CDH18: variants seen among roughly 807,000 people sequenced by gnomAD.
CDH18 encodes the protein cadherin 18.
A neutral mutation model predicts 67.9 loss-of-function variants in CDH18; 31 were observed. The ratio of observed to expected loss-of-function variants is 0.46; its 90% CI spans 0.34 to 0.62. The LOEUF is 0.62. Ranked by LOEUF, CDH18 falls within the 20% of genes least tolerant of loss-of-function variation. The pLI is 0.01. For missense variants in CDH18, 890 were observed against 975.5 expected, an observed-to-expected ratio of 0.91 and a Z score of 1.17; for synonymous variants, 362 against 347.2, an observed-to-expected ratio of 1.04 and a Z score of -0.48.
intron 8 of CDH18, among the ~76,000 whole-genome samples, chr5:19,568,011 C>G (rs1409227650): frequency 6.6e-6 from 1 of 152,122 alleles, no homozygotes; most frequent in Non-Finnish European, 1.5e-5. Flanking sequence ...TCTGAAATAT[C>G]TTTTCAAAAT....
At chr5:19,714,725 G>C (rs1264387027) in intron 5 of CDH18, among the ~76,000 whole-genome samples, 4 of 134,340 alleles carry the variant, frequency 3.0e-5, no homozygotes, top group African/African-American at 1.2e-4. Flanking sequence ...ACATACAGCA[G>C]GTCCTCAAAT....
chr5:20,186,615 C>T (rs115915268), intron 2 of CDH18, among the ~76,000 whole-genome samples: 4,907 of 151,902 alleles, frequency 0.032, 265 homozygotes, highest in African/African-American at 0.11. Context: ...ACATATTACC[C>T]GCTAGAATGA....
Position 20,226,058 on chromosome 5 carries a change from C to A in CDH18, c.-518+29386G>T, listed in dbSNP as rs80171778. Among the ~76,000 whole-genome samples, 878 of 152,074 alleles carry A rather than the reference C, an allele frequency of 5.8e-3. 9 individuals are homozygous for A. Among genetic ancestry groups the A allele is most frequent in the African/African-American group, 0.02 (824 of 41,492 alleles). ...GAGCAAATGGCATAAACTATTCTAA[C>A]GCATATGTTAGACACCTGGTATCAA... On this transcript the variant is annotated intron_variant, in intron 2 of 14. Transcript: ENST00000507958.
intron 5 of CDH18, among the ~76,000 whole-genome samples, chr5:19,638,942 AC>A (rs1204961758): frequency 1.1e-5 from 1 of 94,018 alleles, no homozygotes; most frequent in Non-Finnish European, 2.2e-5. Flanking sequence ...CTTTCATCCC[AC>A]CCCTCCCAGA....
chr5:19,542,037 G>A (rs1031097145), intron 9 of CDH18, among the ~76,000 whole-genome samples: 1 of 152,102 alleles, frequency 6.6e-6, no homozygotes, highest in Non-Finnish European at 1.5e-5. Flanking sequence ...GGATTCTTTA[G>A]AGAACCCCTT....
At chr5:19,813,470 C>T (rs1335332240) in intron 3 of CDH18, among the ~76,000 whole-genome samples, 1 of 151,456 alleles carries the variant, frequency 6.6e-6, no homozygotes, top group Non-Finnish European at 1.5e-5. Context: ...GCATTTTTAC[C>T]AAGAGAATCT....
chr5:20,162,876 T>A (rs1174110886), intron 2 of CDH18, among the ~76,000 whole-genome samples: 3 of 151,882 alleles, frequency 2.0e-5, no homozygotes, highest in African/African-American at 7.3e-5. Flanking sequence ...TTGGCCAGCA[T>A]GACGAAATCC....
intron 1 of CDH18, among the ~76,000 whole-genome samples, chr5:20,572,192 T>C (rs942870640): frequency 6.6e-6 from 1 of 150,736 alleles, no homozygotes; most frequent in African/African-American, 2.5e-5. Flanking sequence ...CATTCTTTTA[T>C]CTTCAATTCT....
At chr5:19,692,294 G>C (rs1761993905) in intron 5 of CDH18, among the ~76,000 whole-genome samples, 1 of 152,054 alleles carries the variant, frequency 6.6e-6, no homozygotes, top group East Asian at 1.9e-4. Flanking sequence ...ATGAAACATA[G>C]GTGAAACATT....
At chr5:19,806,949 A>G (rs1778104147) in intron 3 of CDH18, among the ~76,000 whole-genome samples, 1 of 152,236 alleles carries the variant, frequency 6.6e-6, no homozygotes, top group African/African-American at 2.4e-5. Flanking sequence ...AGCCTACTAC[A>G]CACTAAGACT....
chr5:20,319,295 T>C (rs1478024723), intron 1 of CDH18, among the ~76,000 whole-genome samples: 1 of 152,184 alleles, frequency 6.6e-6, no homozygotes, highest in Admixed American at 6.5e-5. Context: ...TGATCTGTGA[T>C]TAAGTTAAAA....
At chr5:19,741,406 G>A (rs969939182) in intron 4 of CDH18, among the ~76,000 whole-genome samples, 2 of 150,600 alleles carry the variant, frequency 1.3e-5, no homozygotes, top group African/African-American at 2.4e-5. Context: ...CACAATTCAA[G>A]TGGTCTTCTA....
chr5:19,564,057 C>T (rs1035199555), intron 8 of CDH18, among the ~76,000 whole-genome samples: 2 of 152,198 alleles, frequency 1.3e-5, no homozygotes, highest in African/African-American at 4.8e-5. Context: ...AGAAATAACT[C>T]AACCCAGTGG....
At chr5:20,194,733 A>C (rs1376516671) in intron 2 of CDH18, among the ~76,000 whole-genome samples, 1 of 151,860 alleles carries the variant, frequency 6.6e-6, no homozygotes. Flanking sequence ...AACACTTAAC[A>C]TTTCCCTGAA....
intron 2 of CDH18, among the ~76,000 whole-genome samples, chr5:19,883,444 A>ATTT (rs56161925): frequency 1.4e-3 from 210 of 147,016 alleles, no homozygotes; most frequent in African/African-American, 3.6e-3. Flanking sequence ...CTACATCAAC[A>ATTT]TTTTTTTTTT....
At chr5:19,523,551 T>C (rs928969491) in intron 9 of CDH18, among the ~76,000 whole-genome samples, 1 of 151,308 alleles carries the variant, frequency 6.6e-6, no homozygotes, top group South Asian at 2.1e-4. Flanking sequence ...GGAGATAATA[T>C]AAATAAAAAA....
At chr5:20,233,187 T>C (rs187797578) in intron 2 of CDH18, among the ~76,000 whole-genome samples, 1 of 150,816 alleles carries the variant, frequency 6.6e-6, no homozygotes, top group African/African-American at 2.4e-5. Context: ...ATACTTTAAA[T>C]ATTATATTAG....
chr5:20,183,683 G>A (rs1488699808), intron 2 of CDH18, among the ~76,000 whole-genome samples: 1 of 151,896 alleles, frequency 6.6e-6, no homozygotes. Flanking sequence ...ATTTCACATG[G>A]ATTCACTTGC....
At chr5:19,616,412 A>G (rs1290477634) in intron 5 of CDH18, among the ~76,000 whole-genome samples, 1 of 152,148 alleles carries the variant, frequency 6.6e-6, no homozygotes, top group East Asian at 1.9e-4. Flanking sequence ...ATGTGAAGCT[A>G]TACAGGCAAA....
Sources: allele counts gnomAD v4.1 joint callset (sites outside exome capture counted in the v4.1 genomes callset), GRCh38; gene constraint gnomAD v4.1.1; transcripts MANE v1.5; gene names NCBI Gene and HGNC (gene_info 2026-07-23, HGNC 2026-07-21).